Variants in TESK2 observed in about 807,000 individuals in gnomAD.
The protein encoded by TESK2 is testis associated actin remodelling kinase 2, also known as dual specificity testis-specific protein kinase 2.
A neutral mutation model predicts 57.1 loss-of-function variants in TESK2; 39 were observed. That is an observed-to-expected ratio of 0.68 (90% CI 0.53 to 0.89). TESK2 has a LOEUF of 0.89. Ranked by LOEUF, TESK2 falls within the 40% of genes least tolerant of loss-of-function variation. The pLI, the probability that TESK2 is intolerant of heterozygous loss-of-function variation, is 0.00. For missense variants in TESK2, 646 were observed against 732.1 expected, an observed-to-expected ratio of 0.88 and a Z score of 1.36; for synonymous variants, 249 against 267.9, an observed-to-expected ratio of 0.93 and a Z score of 0.69.
intron 1 of TESK2, among the ~76,000 whole-genome samples, chr1:45,471,816 C>T (rs1419617061): frequency 6.6e-6 from 1 of 152,070 alleles, no homozygotes; most frequent in African/African-American, 2.4e-5. Context: ...GGGGGTCTCA[C>T]TATGTTGCCC....
intron 3 of TESK2, among the ~76,000 whole-genome samples, chr1:45,416,580 C>A (rs1650251583): frequency 6.6e-6 from 1 of 152,112 alleles, no homozygotes; most frequent in Non-Finnish European, 1.5e-5. Flanking sequence ...TTAAAATTTA[C>A]TCCTATTCCT....
intron 2 of TESK2, among the ~76,000 whole-genome samples, chr1:45,449,603 T>C (rs1397842492): frequency 6.6e-6 from 1 of 152,196 alleles, no homozygotes; most frequent in African/African-American, 2.4e-5. Context: ...AGTGTGGTGA[T>C]GCATAATTTC....
intron 5 of TESK2, among the ~76,000 whole-genome samples, chr1:45,354,399 G>A (rs916861580): frequency 6.6e-6 from 1 of 152,114 alleles, no homozygotes; most frequent in African/African-American, 2.4e-5. Flanking sequence ...GCCAAGGCAC[G>A]TGGATCACCT....
intron 3 of TESK2, among the ~76,000 whole-genome samples, chr1:45,390,748 GTAT>G (rs898956659): frequency 2.2e-4 from 33 of 149,012 alleles, no homozygotes; most frequent in African/African-American, 5.7e-4. Flanking sequence ...GCTAATTTTG[GTAT>G]TATTATTATT....
At chr1:45,387,073 G>A (rs1416740147) in intron 3 of TESK2, among the ~76,000 whole-genome samples, 1 of 152,074 alleles carries the variant, frequency 6.6e-6, no homozygotes, top group Non-Finnish European at 1.5e-5. Flanking sequence ...TCTTGATTAA[G>A]ATGCCAGGCT....
chr1:45,383,711 G>A (rs1648751826), intron 4 of TESK2, among the ~76,000 whole-genome samples: 1 of 152,144 alleles, frequency 6.6e-6, no homozygotes, highest in Admixed American at 6.6e-5. Flanking sequence ...AATCACACAT[G>A]CAGGGAATGC....
intron 5 of TESK2, among the ~76,000 whole-genome samples, chr1:45,353,418 ACT>A (rs959395067): frequency 1.3e-5 from 2 of 151,984 alleles, no homozygotes; most frequent in Non-Finnish European, 2.9e-5. Context: ...ACTACAAATG[ACT>A]CTGCCACACA....
intron 4 of TESK2, chr1:45,385,465 G>A (rs1383225752): frequency 1.8e-5 from 7 of 384,256 alleles, no homozygotes; most frequent in African/African-American, 2.2e-5. Flanking sequence ...TCTAGATCAG[G>A]ACAGCAAACA....
At chr1:45,414,388 T>G (rs1650154878) in intron 3 of TESK2, among the ~76,000 whole-genome samples, 2 of 152,178 alleles carry the variant, frequency 1.3e-5, no homozygotes, top group Admixed American at 1.3e-4. Flanking sequence ...AGTGTGACAG[T>G]TCCTGTGCCA....
chr1:45,432,223 T>C (rs1359538411), intron 2 of TESK2, among the ~76,000 whole-genome samples: 8 of 151,886 alleles, frequency 5.3e-5, no homozygotes, highest in Non-Finnish European at 1.0e-4. Flanking sequence ...TAGTCAGGCA[T>C]AGTGGTCCCA....
At position 45,446,280 on chromosome 1, in the gene TESK2, G is replaced by C. The variant is rs906775040; in HGVS notation, c.222+11284C>G. On this transcript the variant is annotated intron_variant, in intron 2 of 10. Coordinates refer to ENST00000372086, the MANE Select transcript of TESK2 (RefSeq NM_007170.3). Reference sequence around the variant, plus strand: ...TTTGAACCAGCATGGGCAACATAGTGAGACTCCATCTCTACAAAAAAGTCA... The same window carrying C: ...TTTGAACCAGCATGGGCAACATAGTCAGACTCCATCTCTACAAAAAAGTCA... Among the ~76,000 whole-genome samples, 4 of 151,576 alleles carry C rather than the reference G, an allele frequency of 2.6e-5. No individual in the cohort carries two copies. The East Asian group carries it at 7.7e-4, about 29-fold the overall frequency.
intron 1 of TESK2, among the ~76,000 whole-genome samples, chr1:45,484,532 T>C (rs1210329214): frequency 7.1e-6 from 1 of 140,594 alleles, no homozygotes; most frequent in Non-Finnish European, 1.5e-5. Flanking sequence ...GGTCAGGAGT[T>C]CAAGTCTAGC....
At chr1:45,387,427 G>A (rs1277511869) in intron 3 of TESK2, among the ~76,000 whole-genome samples, 2 of 151,904 alleles carry the variant, frequency 1.3e-5, no homozygotes, top group African/African-American at 4.8e-5. Flanking sequence ...GAAGATAAAC[G>A]TCTTAAAGCC....
At chr1:45,348,900 T>C (rs1647192684) in intron 5 of TESK2, among the ~76,000 whole-genome samples, 1 of 152,078 alleles carries the variant, frequency 6.6e-6, no homozygotes, top group African/African-American at 2.4e-5. Context: ...GCTGAGAACA[T>C]GCTCACTGAA....
At chr1:45,402,489 T>C (rs1446997643) in intron 3 of TESK2, among the ~76,000 whole-genome samples, 1 of 150,884 alleles carries the variant, frequency 6.6e-6, no homozygotes, top group Non-Finnish European at 1.5e-5. Context: ...ATTTTTTCTT[T>C]TTTTTTTTTT....
chr1:45,482,059 G>A (rs1653249199), intron 1 of TESK2, among the ~76,000 whole-genome samples: 1 of 152,188 alleles, frequency 6.6e-6, no homozygotes. Flanking sequence ...CTCCACGTGA[G>A]CAGTTCCTTC....
chr1:45,346,562 TGTGGTTG>T (rs1647146535), intron 9 of TESK2, 124 bp downstream of exon 9: 1 of 691,216 alleles, frequency 1.4e-6, no homozygotes, highest in Admixed American at 2.4e-5. Flanking sequence ...GAGGAGGAGG[TGTGGTTG>T]CTGTCACTAC....
intron 3 of TESK2, among the ~76,000 whole-genome samples, chr1:45,390,547 A>C (rs1649092132): frequency 6.6e-6 from 1 of 151,146 alleles, no homozygotes. Context: ...AACTTTAAGA[A>C]TAGGTTACAT....
In TESK2 at chr1:45,345,915, T is replaced by A; in HGVS notation, c.959A>T (p.Glu320Val). ...EEILSRLQEE[E>V]QERDRKLQPT... ...CTGCAGCTTCCTATCCCTCTCCTGC[T>A]CTTCTTCCTGTAGGCGGCTCAGAAT... The change falls in exon 10 of 11, where the codon GAG becomes GTG. Residue 320 changes from glutamate (E) to valine (V), a missense_variant. Physicochemically the swap from Glu to Val is moderately radical, Grantham distance 121 (BLOSUM62 -2). Transcript: ENST00000372086. 6.2e-7 allele frequency: 1 copy of A among 1,613,996 alleles called. No homozygotes were observed. The highest frequency in any genetic ancestry group is 2.2e-5 in the East Asian group (1 of 44,888).
Sources: gnomAD v4.1 joint callset for allele counts (sites outside exome capture counted in the v4.1 genomes callset) on GRCh38, gnomAD v4.1.1 for gene constraint, MANE v1.5 for transcripts, NCBI Gene and HGNC (gene_info 2026-07-23, HGNC 2026-07-21) for gene names.